CDK12: variants seen among roughly 807,000 people sequenced by gnomAD.
The protein encoded by CDK12 is cyclin dependent kinase 12, also known as cyclin-dependent kinase 12.
Under a neutral mutation model 133.8 loss-of-function variants are expected in CDK12, and 17 were observed. The ratio of observed to expected loss-of-function variants is 0.13; its 90% CI spans 0.09 to 0.19. CDK12 has a LOEUF of 0.19. CDK12 is among the 10% of genes least tolerant of loss of function. The probability of loss-of-function intolerance (pLI) is 1.00; values close to 1 mark genes in which losing one functional copy is unlikely to be tolerated. For missense variants in CDK12, 1,508 were observed against 1,818.7 expected, an observed-to-expected ratio of 0.83 and a Z score of 3.11; for synonymous variants, 694 against 683.6, an observed-to-expected ratio of 1.02 and a Z score of -0.24.
At chr17:39,490,523 G>A (rs1424330299) in intron 2 of CDK12, 34 bp from the exon 3 acceptor site, 6 of 1,475,308 alleles carry the variant, frequency 4.1e-6, no homozygotes, top group Admixed American at 4.1e-5. Flanking sequence ...ATCTTTAATT[G>A]TAATTTTGTC....
intron 3 of CDK12, among the ~76,000 whole-genome samples, chr17:39,560,198 G>A (rs184230473): frequency 8.9e-4 from 135 of 152,262 alleles, no homozygotes; most frequent in African/African-American, 3.0e-3. Flanking sequence ...ACCACAGTTT[G>A]GCCAGTTACC....
In CDK12 at chr17:39,482,558, C is replaced by G. The variant is rs549934482; in HGVS notation, c.1932-7999C>G. 2.2e-4 allele frequency among the ~76,000 whole-genome samples: 31 copies of G among 139,232 alleles called. No homozygotes were observed. The Admixed American group carries it at 2.3e-3, about 10-fold the overall frequency. The allele number at this position is 139,232 out of a possible 152,430, so 91.3% of individuals were successfully genotyped here. A position where few individuals can be genotyped will look rare whatever the true frequency, so the allele number is the denominator to read the frequency against. On this transcript the variant is annotated intron_variant, in intron 2 of 13. Transcript: ENST00000447079. ...CATGATAATCTTTTCTGTATTGTTA[C>G]GGTTTTAGTGTATGTGCTGCCAAAG...
intron 11 of CDK12, among the ~76,000 whole-genome samples, chr17:39,521,811 C>G (rs948711967): frequency 1.3e-5 from 2 of 152,116 alleles, no homozygotes; most frequent in African/African-American, 4.8e-5. Flanking sequence ...ATCTGCCTGC[C>G]TCAGCCTCCC....
At chr17:39,494,849 A>G (rs1468222059) in intron 5 of CDK12, among the ~76,000 whole-genome samples, 155 bp downstream of exon 5, 1 of 148,284 alleles carries the variant, frequency 6.7e-6, no homozygotes, top group African/African-American at 2.5e-5. Context: ...AGGTCACTGC[A>G]AGCTCCACCT....
At chr17:39,503,511 A>G (rs1486876302) in intron 6 of CDK12, among the ~76,000 whole-genome samples, 1 of 152,166 alleles carries the variant, frequency 6.6e-6, no homozygotes, top group Non-Finnish European at 1.5e-5. Context: ...CTATAGTATA[A>G]TATACTTTCT....
downstream of CDK12, among the ~76,000 whole-genome samples, chr17:39,536,818 C>G (rs867024919): frequency 6.6e-6 from 1 of 152,194 alleles, no homozygotes; most frequent in Non-Finnish European, 1.5e-5. Context: ...TTCATACCCT[C>G]TAAGTGGGTA....
chr17:39,556,375 T>G (rs1033611644), exon 3 of CDK12: 1 of 152,274 alleles, frequency 6.6e-6, no homozygotes, highest in Non-Finnish European at 1.5e-5. Context: ...AACTTGTCAG[T>G]CTTCATCCTT....
chr17:39,486,721 T>C (rs1278565366), intron 2 of CDK12, among the ~76,000 whole-genome samples: 8 of 152,052 alleles, frequency 5.3e-5, no homozygotes, highest in Admixed American at 5.3e-4. Flanking sequence ...TTAAAAAATC[T>C]ATGTTGGTGG....
rs189202512 is a variant in CDK12, at chr17:39,494,861, C to G, written c.2419+167C>G. ...TTCAGGTCACTGCAAGCTCCACCTC[C>G]TGGGTTCACGCCATTCTCCTGCCTC... On this transcript the variant is annotated intron_variant, in intron 5 of 13. Coordinates refer to ENST00000447079, the MANE Select transcript of CDK12 (RefSeq NM_016507.4). Among the ~76,000 whole-genome samples, 9 of 151,510 alleles carry G rather than the reference C, an allele frequency of 5.9e-5. No individual in the cohort carries two copies. The East Asian group carries it at 1.6e-3, about 26-fold the overall frequency.
At chr17:39,560,944 G>GC in intron 3 of CDK12, among the ~76,000 whole-genome samples, 1 of 152,284 alleles carries the variant, frequency 6.6e-6, no homozygotes, top group South Asian at 2.1e-4. Context: ...CCACCAGGGG[G>GC]TGGAGGCTGC....
chr17:39,509,576 G>A (rs990006508), intron 6 of CDK12, 129 bp from the exon 7 acceptor site: 3 of 664,456 alleles, frequency 4.5e-6, no homozygotes, highest in African/African-American at 1.8e-5. Flanking sequence ...GAAAAGAGTA[G>A]AACAAAGAGA....
At chr17:39,493,617 G>A (rs1430116925) in intron 4 of CDK12, among the ~76,000 whole-genome samples, 1 of 152,010 alleles carries the variant, frequency 6.6e-6, no homozygotes, top group African/African-American at 2.4e-5. Flanking sequence ...GAGCCACCAC[G>A]CCTGGCCAAA....
chr17:39,482,770 TC>T (rs1188958530), intron 2 of CDK12, among the ~76,000 whole-genome samples: 24 of 151,414 alleles, frequency 1.6e-4, no homozygotes, highest in African/African-American at 5.3e-4. Context: ...GCTTGGCTGA[TC>T]TTTGTATTTT....
rs575658986 is a variant in CDK12 at position 39,514,147 on chromosome 17, C to T, written c.2769-1584C>T. Among the ~76,000 whole-genome samples the T allele has an allele frequency of 2.6e-5, 4 of 152,200 alleles. No individual in the cohort carries two copies. In the South Asian group the frequency reaches 6.2e-4, roughly 24 times the overall value. ...CTGGGCTCAAGCAATCTTCCCACCTCGGCCTCACCAAGTGCCAGGATTACA... is the reference window on the plus strand; with the variant it reads ...CTGGGCTCAAGCAATCTTCCCACCTTGGCCTCACCAAGTGCCAGGATTACA... On this transcript the variant is annotated intron_variant, in intron 8 of 13. Transcript: ENST00000447079.
chr17:39,533,876 T>C lies in CDK12; in HGVS notation c.*2560T>C. On this transcript the variant is annotated 3_prime_UTR_variant, in exon 14 of 14. Transcript: ENST00000447079. ...TTGTTAATTTTTCAGTTACGTTATC[T>C]ATAAACATGATGGAAGTAAAGGTTT... 1 of 232,358 alleles carries C rather than the reference T, an allele frequency of 4.3e-6. No homozygotes were observed. The highest frequency in any genetic ancestry group is 8.5e-6 in the Non-Finnish European group (1 of 117,448). 14.4% of individuals were successfully genotyped at this position (232,358 alleles called of 1,614,324 possible).
At chr17:39,481,450 A>G (rs778803443) in intron 2 of CDK12, among the ~76,000 whole-genome samples, 2 of 150,556 alleles carry the variant, frequency 1.3e-5, no homozygotes, top group African/African-American at 4.9e-5. Flanking sequence ...TGGGACTACA[A>G]TCACAAGCCA....
rs1270322101 is a variant in CDK12, at chr17:39,522,085, T to G, written c.3095+1998T>G. On this transcript the variant is annotated intron_variant, in intron 11 of 13. Transcript: ENST00000447079. ...CATGTATATCTCACACTTGCAGAGA[T>G]AGTCCCAGTTTTTTGGGGTTTTTTT... Among the ~76,000 whole-genome samples the G allele has an allele frequency of 2.0e-5, 3 of 152,078 alleles. No individual in the cohort carries two copies. The East Asian group carries it at 5.8e-4, about 29-fold the overall frequency.
Position 39,531,154 on chromosome 17 carries a change from G to A in CDK12, c.4311G>A (p.Leu1437=). The A allele has an allele frequency of 6.5e-7, 1 of 1,531,222 alleles. No homozygotes were observed. The highest frequency in any genetic ancestry group is 8.8e-7 in the Non-Finnish European group (1 of 1,140,654). 94.9% of individuals were successfully genotyped at this position (1,531,222 alleles called of 1,614,324 possible). Residue 1437 remains leucine (L), a synonymous_variant, in exon 14 of 14, where the codon TTG becomes TTA. Coordinates refer to ENST00000447079, the MANE Select transcript of CDK12 (RefSeq NM_016507.4). The part of the protein sequence containing the change: ...SNSVVHAETK[L]QNYGELGPGT... ...CTGTGGTACATGCAGAGACCAAATT[G>A]CAAAACTATGGGGAGCTGGGGCCAG...
At chr17:39,530,528 G>T in intron 13 of CDK12, 76 bp from the exon 14 acceptor site, 1 of 1,503,168 alleles carries the variant, frequency 6.7e-7, no homozygotes. Flanking sequence ...TGTTTATGTT[G>T]CACAGTGTGT....
Sources: gnomAD v4.1 joint callset for allele counts (sites outside exome capture counted in the v4.1 genomes callset) on GRCh38, gnomAD v4.1.1 for gene constraint, MANE v1.5 for transcripts, NCBI Gene and HGNC (gene_info 2026-07-23, HGNC 2026-07-21) for gene names.